Variants in CDH13 observed in about 807,000 individuals in gnomAD.
CDH13 encodes cadherin-13.
CDH13 carries 24 observed loss-of-function variants against 63.8 expected under a neutral mutation model. The ratio of observed to expected loss-of-function variants is 0.38; its 90% CI spans 0.27 to 0.53. The LOEUF (loss-of-function observed/expected upper bound fraction) is 0.53. CDH13 is among the 20% of genes least tolerant of loss of function. The probability of loss-of-function intolerance (pLI) is 0.85; values close to 1 mark genes in which losing one functional copy is unlikely to be tolerated. For synonymous variants in CDH13, 503 were observed against 355.3 expected (o/e 1.42, Z -4.67); for missense variants, 1,049 against 903.1 (o/e 1.16, Z -2.07).
At chr16:83,608,170 G>GTTCT (rs1908521896) in intron 8 of CDH13, among the ~76,000 whole-genome samples, 1 of 152,134 alleles carries the variant, frequency 6.6e-6, no homozygotes, top group Non-Finnish European at 1.5e-5. Flanking sequence ...AATTCAATGA[G>GTTCT]TTCTTTCTAA....
At chr16:82,677,255 G>T (rs941654491) in intron 1 of CDH13, among the ~76,000 whole-genome samples, 4 of 152,150 alleles carry the variant, frequency 2.6e-5, no homozygotes, top group African/African-American at 4.8e-5. Context: ...TGTATTTCAG[G>T]TCTATTGCCA....
chr16:83,016,414 C>T (rs975163890), intron 2 of CDH13, among the ~76,000 whole-genome samples: 1 of 152,164 alleles, frequency 6.6e-6, no homozygotes, highest in Admixed American at 6.5e-5. Context: ...TGATTGCCAA[C>T]TCTCTTCTAG....
intron 7 of CDH13, among the ~76,000 whole-genome samples, chr16:83,568,950 C>T (rs888398144): frequency 2.6e-5 from 4 of 152,070 alleles, no homozygotes; most frequent in African/African-American, 9.7e-5. Context: ...GCCTCCAGAA[C>T]ATTCTCCTTT....
At chr16:83,095,240 C>A (rs2034135316) in intron 3 of CDH13, among the ~76,000 whole-genome samples, 1 of 152,188 alleles carries the variant, frequency 6.6e-6, no homozygotes, top group East Asian at 1.9e-4. Context: ...TATACCTTCT[C>A]CAAAACACTC....
intron 3 of CDH13, among the ~76,000 whole-genome samples, chr16:83,101,109 T>A (rs2034457101): frequency 6.6e-6 from 1 of 152,026 alleles, no homozygotes. Flanking sequence ...GGTACAGCTG[T>A]GGAAAACTGA....
At chr16:82,778,266 G>C (rs2035589587) in intron 1 of CDH13, among the ~76,000 whole-genome samples, 1 of 152,108 alleles carries the variant, frequency 6.6e-6, no homozygotes. Context: ...TCTGTGATAA[G>C]GACGTTCCAG....
chr16:83,756,593 G>C (rs1210083211), intron 11 of CDH13, among the ~76,000 whole-genome samples: 1 of 152,156 alleles, frequency 6.6e-6, no homozygotes, highest in Non-Finnish European at 1.5e-5. Flanking sequence ...GTTAGTGTTA[G>C]TGTATTGTAT....
chr16:82,719,164 A>C (rs1049259956), intron 1 of CDH13, among the ~76,000 whole-genome samples: 1 of 152,096 alleles, frequency 6.6e-6, no homozygotes, highest in Non-Finnish European at 1.5e-5. Flanking sequence ...GGGCTGTTTT[A>C]AGATGAAACA....
rs144251935 is a variant in CDH13, at chr16:82,935,434, T to A, written c.157+76961T>A. 4.8e-3 allele frequency among the ~76,000 whole-genome samples: 733 copies of A among 152,272 alleles called. 8 individuals carry two copies. The highest frequency in any genetic ancestry group is 0.017 in the African/African-American group (700 of 41,556). Reference sequence around the variant, plus strand: ...CAGACCGTATGACATGGTGAAATAGTTACAACTGTTTTCATGAAGCTTTTT... The same window carrying A: ...CAGACCGTATGACATGGTGAAATAGATACAACTGTTTTCATGAAGCTTTTT... On this transcript the variant is annotated intron_variant, in intron 2 of 13. Coordinates refer to ENST00000567109, the MANE Select transcript of CDH13 (RefSeq NM_001257.5).
chr16:83,529,853 C>A (rs1047972541), intron 7 of CDH13, among the ~76,000 whole-genome samples: 3 of 152,128 alleles, frequency 2.0e-5, no homozygotes, highest in African/African-American at 7.2e-5. Context: ...TAATGTTTTT[C>A]TTACATTTCT....
At chr16:83,140,340 G>C (rs117263856) in intron 4 of CDH13, among the ~76,000 whole-genome samples, 1 of 152,294 alleles carries the variant, frequency 6.6e-6, no homozygotes, top group East Asian at 1.9e-4. Context: ...TCATCAACAC[G>C]TGGTATGGCA....
rs1567531884 is a variant in CDH13, at chr16:83,240,715, A to ACCTT, written c.636+23218_636+23219insCCTT. Among the ~76,000 whole-genome samples, 60 of 49,520 alleles carry ACCTT rather than the reference A, an allele frequency of 1.2e-3. 9 individuals carry two copies. Among genetic ancestry groups the ACCTT allele is most frequent in the Non-Finnish European group, 2.1e-3 (50 of 23,716 alleles). The allele number at this position is 49,520 out of a possible 152,430, so 32.5% of individuals were successfully genotyped here. On this transcript the variant is annotated intron_variant, in intron 5 of 13. Transcript: ENST00000567109. The stretch of plus-strand genomic sequence containing the variant: ...ACATGACTTTAAATTTACTGTCTTA[A>ACCTT]TCTTTTTTTTTTTTTTTTTTTTTTT...
intron 7 of CDH13, among the ~76,000 whole-genome samples, chr16:83,492,672 G>T (rs1403348501): frequency 6.6e-6 from 1 of 152,174 alleles, no homozygotes; most frequent in African/African-American, 2.4e-5. Flanking sequence ...ACATTCAAAA[G>T]GCAGAATGCT....
intron 4 of CDH13, among the ~76,000 whole-genome samples, chr16:83,164,834 T>C (rs1454484722): frequency 6.6e-6 from 1 of 151,608 alleles, no homozygotes; most frequent in African/African-American, 2.4e-5. Context: ...ACAGTGTGTA[T>C]ATATATATAT....
At chr16:83,520,395 C>T (rs2074802406) in intron 7 of CDH13, among the ~76,000 whole-genome samples, 1 of 152,092 alleles carries the variant, frequency 6.6e-6, no homozygotes, top group Non-Finnish European at 1.5e-5. Flanking sequence ...CATAGGAAAG[C>T]CTGCTGGAGA....
At chr16:83,189,572 CA>C (rs2038632581) in intron 4 of CDH13, among the ~76,000 whole-genome samples, 1 of 152,120 alleles carries the variant, frequency 6.6e-6, no homozygotes, top group Non-Finnish European at 1.5e-5. Context: ...TCAGGAAATC[CA>C]AAGGTGCATC....
intron 5 of CDH13, among the ~76,000 whole-genome samples, chr16:83,228,650 A>T (rs1312745359): frequency 1.3e-5 from 2 of 152,240 alleles, no homozygotes; most frequent in African/African-American, 4.8e-5. Context: ...AGAACAGCTG[A>T]TGGAAGAAAG....
intron 1 of CDH13, among the ~76,000 whole-genome samples, chr16:82,809,823 A>T (rs547865158): frequency 6.6e-6 from 1 of 152,316 alleles, no homozygotes; most frequent in South Asian, 2.1e-4. Flanking sequence ...ATTAACAAAA[A>T]TAATTCTTTC....
chr16:82,887,933 C>T (rs548783325), intron 2 of CDH13, among the ~76,000 whole-genome samples: 3 of 152,144 alleles, frequency 2.0e-5, no homozygotes, highest in Non-Finnish European at 2.9e-5. Flanking sequence ...CATGGAAGCC[C>T]ATTCTGGAAA....
Sources: allele counts gnomAD v4.1 joint callset (sites outside exome capture counted in the v4.1 genomes callset), GRCh38; gene constraint gnomAD v4.1.1; transcripts MANE v1.5; gene names NCBI Gene and HGNC (gene_info 2026-07-23, HGNC 2026-07-21).